CNTN4: variants seen among roughly 807,000 people sequenced by gnomAD.
CNTN4 encodes contactin-4.
CNTN4 carries 77 observed loss-of-function variants against 122.5 expected under a neutral mutation model. That is an observed-to-expected ratio of 0.63 (90% CI 0.52 to 0.76). The LOEUF (loss-of-function observed/expected upper bound fraction) is 0.76. Among genes scored for constraint, CNTN4 ranks in the 30% least tolerant of loss-of-function variants. The pLI, the probability that CNTN4 is intolerant of heterozygous loss-of-function variation, is 0.00. For synonymous variants in CNTN4, 512 were observed against 447.0 expected (o/e 1.15, Z -1.83); for missense variants, 1,256 against 1,259.1 (o/e 1.00, Z 0.04).
At chr3:2,884,174 A>G (rs1430825590) in intron 9 of CNTN4, among the ~76,000 whole-genome samples, 1 of 151,998 alleles carries the variant, frequency 6.6e-6, no homozygotes, top group African/African-American at 2.4e-5. Context: ...CCTGGCCTCA[A>G]CTAATCCTCC....
At chr3:2,505,545 G>A (rs1404198816) in intron 3 of CNTN4, among the ~76,000 whole-genome samples, 1 of 152,116 alleles carries the variant, frequency 6.6e-6, no homozygotes, top group Non-Finnish European at 1.5e-5. Context: ...CCAGCCTGTT[G>A]TGAATTTGCA....
intron 2 of CNTN4, among the ~76,000 whole-genome samples, chr3:2,171,226 A>G (rs2036491078): frequency 6.6e-6 from 1 of 152,188 alleles, no homozygotes; most frequent in Admixed American, 6.5e-5. Context: ...AATAAAAATG[A>G]TTTGCTCTTA....
intron 14 of CNTN4, among the ~76,000 whole-genome samples, chr3:2,995,930 C>G (rs552942088): frequency 6.6e-6 from 1 of 151,994 alleles, no homozygotes; most frequent in African/African-American, 2.4e-5. Flanking sequence ...CAAAGGTGTT[C>G]CTTGTGTTGT....
At position 2,806,136 on chromosome 3, in the gene CNTN4, C is replaced by T. The variant is rs939029489; in HGVS notation, c.359-13350C>T. Reference sequence around the variant, plus strand: ...CAGGATGGTGTCGATCTCCTGACCTCGGGATCCGCCTGCCTCGGCCTCCCA... The same window carrying T: ...CAGGATGGTGTCGATCTCCTGACCTTGGGATCCGCCTGCCTCGGCCTCCCA... On this transcript the variant is annotated intron_variant, in intron 6 of 24. Transcript: ENST00000418658. Among the ~76,000 whole-genome samples, 113 of 152,142 alleles carry T rather than the reference C, an allele frequency of 7.4e-4. 1 individual carries two copies. Among genetic ancestry groups the T allele is most frequent in the African/African-American group, 2.5e-3 (105 of 41,518 alleles).
At chr3:2,614,636 C>T (rs555006798) in intron 4 of CNTN4, among the ~76,000 whole-genome samples, 44 of 152,218 alleles carry the variant, frequency 2.9e-4, no homozygotes, top group African/African-American at 1.0e-3. Flanking sequence ...CTGGCTTGAG[C>T]TACGGCATAG....
In CNTN4 at chr3:2,284,400, T is replaced by A. The variant is rs17011780; in HGVS notation, c.-144-54778T>A. ...TGCTCTGGTGTTCAAGGTGGCTTTA[T>A]ACTGTTTGGCTATCCTGTGTTTATT... On this transcript the variant is annotated intron_variant, in intron 2 of 24. Coordinates refer to ENST00000418658, the MANE Select transcript of CNTN4 (RefSeq NM_175607.3). 8.1e-3 allele frequency among the ~76,000 whole-genome samples: 1,228 copies of A among 152,274 alleles called. 18 individuals carry two copies. The highest frequency in any genetic ancestry group is 0.028 in the African/African-American group (1,163 of 41,574).
chr3:2,124,526 C>G (rs1427317877), intron 2 of CNTN4, among the ~76,000 whole-genome samples: 1 of 151,340 alleles, frequency 6.6e-6, no homozygotes, highest in Non-Finnish European at 1.5e-5. Context: ...CTTTGGGAGG[C>G]TGAGGCGGGA....
At chr3:2,636,066 T>C (rs952620985) in intron 4 of CNTN4, among the ~76,000 whole-genome samples, 2 of 152,210 alleles carry the variant, frequency 1.3e-5, no homozygotes, top group African/African-American at 2.4e-5. Flanking sequence ...AATTTGAGAC[T>C]GATCTCCCAT....
At chr3:2,288,301 A>T (rs555342780) in intron 2 of CNTN4, among the ~76,000 whole-genome samples, 2 of 152,082 alleles carry the variant, frequency 1.3e-5, no homozygotes, top group African/African-American at 4.8e-5. Flanking sequence ...GCTTCCACTC[A>T]TTGTGGAAGG....
intron 7 of CNTN4, among the ~76,000 whole-genome samples, chr3:2,832,876 A>G (rs915112573): frequency 7.9e-5 from 12 of 152,224 alleles, no homozygotes; most frequent in African/African-American, 2.4e-4. Flanking sequence ...AGCTGGTGAA[A>G]CCAAGGCTGG....
At chr3:2,626,016 A>T (rs548767605) in intron 4 of CNTN4, among the ~76,000 whole-genome samples, 1 of 152,166 alleles carries the variant, frequency 6.6e-6, no homozygotes, top group African/African-American at 2.4e-5. Context: ...TGATATCTCA[A>T]TATTTTAATT....
chr3:2,588,397 C>T (rs765459000), intron 4 of CNTN4, among the ~76,000 whole-genome samples: 5 of 152,092 alleles, frequency 3.3e-5, no homozygotes, highest in African/African-American at 9.7e-5. Context: ...GACAGAGCCT[C>T]GCACTATTGT....
At chr3:2,699,081 T>A (rs2086209420) in intron 4 of CNTN4, among the ~76,000 whole-genome samples, 1 of 152,176 alleles carries the variant, frequency 6.6e-6, no homozygotes, top group Admixed American at 6.5e-5. Flanking sequence ...CCAGGTATTT[T>A]ATTTCTAATT....
chr3:2,990,438 A>G (rs755785711), intron 14 of CNTN4, among the ~76,000 whole-genome samples: 2 of 152,226 alleles, frequency 1.3e-5, no homozygotes, highest in Non-Finnish European at 2.9e-5. Context: ...GAAACCATAT[A>G]TATGGTGTCT....
At chr3:2,775,466 CTG>C (rs1372366511) in intron 6 of CNTN4, among the ~76,000 whole-genome samples, 4 of 152,186 alleles carry the variant, frequency 2.6e-5, no homozygotes, top group Non-Finnish European at 4.4e-5. Flanking sequence ...GAGTCTCACT[CTG>C]GAGTGCAGTG....
chr3:2,104,487 AG>A (rs1432484966), intron 2 of CNTN4, among the ~76,000 whole-genome samples: 3 of 152,178 alleles, frequency 2.0e-5, no homozygotes, highest in Non-Finnish European at 4.4e-5. Context: ...GGGGTCATTC[AG>A]GGAATCAGGT....
chr3:2,956,546 G>T (rs1559716586), intron 13 of CNTN4, among the ~76,000 whole-genome samples: 1 of 152,150 alleles, frequency 6.6e-6, no homozygotes, highest in East Asian at 1.9e-4. Context: ...GTTAATAAAT[G>T]ATGGGAATGT....
chr3:2,230,222 G>T lies in CNTN4; in HGVS notation c.-144-108956G>T, dbSNP rs139444017. Among the ~76,000 whole-genome samples the T allele has an allele frequency of 1.6e-4, 25 of 152,310 alleles. No individual in the cohort carries two copies. In the East Asian group the frequency reaches 4.8e-3, roughly 29 times the overall value. On this transcript the variant is annotated intron_variant, in intron 2 of 24. Coordinates refer to ENST00000418658, the MANE Select transcript of CNTN4 (RefSeq NM_175607.3). ...GCTCCAGTTTGGATGGGTTGCCAACGATCAGGTTTTCCAAATGTGATTTGT... is the reference window on the plus strand; with the variant it reads ...GCTCCAGTTTGGATGGGTTGCCAACTATCAGGTTTTCCAAATGTGATTTGT...
chr3:2,620,238 A>G (rs924449349), intron 4 of CNTN4, among the ~76,000 whole-genome samples: 2 of 152,180 alleles, frequency 1.3e-5, no homozygotes, highest in African/African-American at 4.8e-5. Flanking sequence ...AGGGGCTCAC[A>G]CCTGTAATCT....
Sources: allele counts gnomAD v4.1 joint callset (sites outside exome capture counted in the v4.1 genomes callset), GRCh38; gene constraint gnomAD v4.1.1; transcripts MANE v1.5; gene names NCBI Gene and HGNC (gene_info 2026-07-23, HGNC 2026-07-21).